HDAC9: variants seen among roughly 807,000 people sequenced by gnomAD.
The protein encoded by HDAC9 is histone deacetylase 9.
Under a neutral mutation model 139.4 loss-of-function variants are expected in HDAC9, and 41 were observed. The ratio of observed to expected loss-of-function variants is 0.29; its 90% CI spans 0.23 to 0.38. HDAC9 has a LOEUF of 0.38. Ranked by LOEUF, HDAC9 falls within the 10% of genes least tolerant of loss-of-function variation. HDAC9 has a pLI of 1.00. For missense variants in HDAC9, 1,147 were observed against 1,297.0 expected, an observed-to-expected ratio of 0.88 and a Z score of 1.78; for synonymous variants, 517 against 476.2, an observed-to-expected ratio of 1.09 and a Z score of -1.12.
chr7:18,980,586 T>C (rs1563102921), intron 25 of HDAC9, among the ~76,000 whole-genome samples: 2 of 152,226 alleles, frequency 1.3e-5, no homozygotes, highest in African/African-American at 2.4e-5. Context: ...AAATACTTGA[T>C]AAAACTTGAT....
At chr7:18,917,208 G>A (rs17140258) in intron 22 of HDAC9, among the ~76,000 whole-genome samples, 23,652 of 151,836 alleles carry the variant, frequency 0.16, 2,271 homozygotes, top group East Asian at 0.35. Context: ...TGATCTCTCC[G>A]CTCAGACACT....
chr7:18,968,387 A>G (rs1784021526), intron 24 of HDAC9, among the ~76,000 whole-genome samples: 1 of 151,994 alleles, frequency 6.6e-6, no homozygotes, highest in African/African-American at 2.4e-5. Flanking sequence ...CTGCTATCGA[A>G]GTTGCCCTTT....
intron 17 of HDAC9, among the ~76,000 whole-genome samples, chr7:18,810,453 A>G (rs1052760313): frequency 6.6e-6 from 1 of 151,906 alleles, no homozygotes; most frequent in African/African-American, 2.4e-5. Context: ...TTCTTCTTTA[A>G]TATTCTCACT....
intron 1 of HDAC9, among the ~76,000 whole-genome samples, chr7:18,154,810 A>T (rs1787055491): frequency 1.3e-5 from 2 of 152,226 alleles, no homozygotes; most frequent in South Asian, 4.1e-4. Context: ...TGATGGCTAA[A>T]GGTCTTTTGT....
chr7:18,368,445 CT>C lies in HDAC9; in HGVS notation c.-42+77931del, dbSNP rs574446748. On this transcript the variant is annotated intron_variant, in intron 1 of 3. Transcript: ENST00000413509. ...TCAAATTTCTTATATATCAAACATG[CT>C]GTTTCTGTTTCTGAACTCTGTTTGG... is the stretch of plus-strand genomic sequence containing the variant. Among the ~76,000 whole-genome samples, 132 of 152,022 alleles carry C rather than the reference CT, an allele frequency of 8.7e-4. 1 individual carries two copies. The East Asian group carries it at 0.023, about 26-fold the overall frequency.
chr7:18,297,953 C>G (rs568633235), intron 1 of HDAC9, among the ~76,000 whole-genome samples: 1 of 152,262 alleles, frequency 6.6e-6, no homozygotes, highest in African/African-American at 2.4e-5. Flanking sequence ...TCACTCTGCC[C>G]TTTCTTCTCT....
intron 24 of HDAC9, among the ~76,000 whole-genome samples, chr7:18,964,064 A>G (rs957673775): frequency 3.3e-5 from 5 of 152,186 alleles, no homozygotes; most frequent in African/African-American, 1.2e-4. Context: ...CTGGTCTTCC[A>G]GAGATTTCCC....
At chr7:18,121,616 A>T (rs1374934798) in intron 1 of HDAC9, among the ~76,000 whole-genome samples, 1 of 152,188 alleles carries the variant, frequency 6.6e-6, no homozygotes, top group African/African-American at 2.4e-5. Flanking sequence ...ACATTCAATA[A>T]TTGAACCTTT....
intron 1 of HDAC9, among the ~76,000 whole-genome samples, chr7:18,321,633 A>G (rs914871001): frequency 6.6e-6 from 1 of 152,206 alleles, no homozygotes; most frequent in East Asian, 1.9e-4. Flanking sequence ...GTTCCTTTAT[A>G]TACTGTGCCT....
intron 2 of HDAC9, among the ~76,000 whole-genome samples, chr7:18,519,996 C>T (rs1036862175): frequency 1.3e-5 from 2 of 151,880 alleles, no homozygotes; most frequent in Admixed American, 1.3e-4. Context: ...GCATAGTAAG[C>T]TCAACTAATG....
chr7:18,880,218 A>G (rs758712279), intron 22 of HDAC9, among the ~76,000 whole-genome samples: 3 of 152,206 alleles, frequency 2.0e-5, no homozygotes, highest in African/African-American at 4.8e-5. Flanking sequence ...GGGAATGTAA[A>G]TTAGTTCAGC....
At chr7:18,546,537 C>A (rs1008985136) in intron 2 of HDAC9, among the ~76,000 whole-genome samples, 1 of 152,102 alleles carries the variant, frequency 6.6e-6, no homozygotes, top group Non-Finnish European at 1.5e-5. Flanking sequence ...ATCCTGACAC[C>A]TTCTTTCTCC....
chr7:18,705,859 A>AAAAAT lies in HDAC9; in HGVS notation c.1732-21701_1732-21697dup, dbSNP rs1171557847. On this transcript the variant is annotated intron_variant, in intron 12 of 25. Coordinates refer to ENST00000686413, the MANE Select transcript of HDAC9 (RefSeq NM_178425.4). Reference sequence around the variant, plus strand: ...CAGAGAGAGACTCTGTCTCAAAAAAAAAAATAAAATAAAATAAAATAAAAG... The same window carrying AAAAAT: ...CAGAGAGAGACTCTGTCTCAAAAAAAAAAATAAAATAAAATAAAATAAAATAAAAG... 2.1e-5 allele frequency among the ~76,000 whole-genome samples: 3 copies of AAAAAT among 142,786 alleles called. 1 individual carries two copies. The highest frequency in any genetic ancestry group is 5.7e-5 in the African/African-American group (2 of 35,014). The allele number at this position is 142,786 out of a possible 152,430, so 93.7% of individuals were successfully genotyped here. A position where few individuals can be genotyped will look rare whatever the true frequency, so the allele number is the denominator to read the frequency against.
At chr7:18,723,384 G>T (rs1785285118) in intron 12 of HDAC9, among the ~76,000 whole-genome samples, 1 of 152,166 alleles carries the variant, frequency 6.6e-6, no homozygotes, top group African/African-American at 2.4e-5. Flanking sequence ...TAAGGTGCAA[G>T]TGCCTAAATT....
At chr7:18,262,598 A>T (rs1795751334) in intron 2 of HDAC9, among the ~76,000 whole-genome samples, 1 of 152,180 alleles carries the variant, frequency 6.6e-6, no homozygotes, top group African/African-American at 2.4e-5. Context: ...GTATAACTGT[A>T]TTTTTGTTTG....
At chr7:18,241,110 G>C (rs552493918) in intron 2 of HDAC9, among the ~76,000 whole-genome samples, 1 of 152,124 alleles carries the variant, frequency 6.6e-6, no homozygotes, top group Non-Finnish European at 1.5e-5. Context: ...GGTCTTAAAG[G>C]CCAGGGGACC....
At chr7:18,988,528 A>C (rs1181392174) in intron 25 of HDAC9, among the ~76,000 whole-genome samples, 2 of 151,872 alleles carry the variant, frequency 1.3e-5, no homozygotes, top group Non-Finnish European at 2.9e-5. Flanking sequence ...GCTGAAAAAA[A>C]TGTATATTCT....
At chr7:18,637,848 T>G (rs1255796007) in intron 8 of HDAC9, among the ~76,000 whole-genome samples, 6 of 151,990 alleles carry the variant, frequency 3.9e-5, no homozygotes, top group African/African-American at 1.4e-4. Flanking sequence ...ACAGCGGAAT[T>G]TAGACTAAGA....
At chr7:18,123,371 A>T (rs1784471271) in intron 1 of HDAC9, among the ~76,000 whole-genome samples, 1 of 152,244 alleles carries the variant, frequency 6.6e-6, no homozygotes. Flanking sequence ...AACAGGTGGC[A>T]TTCAAAAGTT....
Sources: allele counts gnomAD v4.1 joint callset (sites outside exome capture counted in the v4.1 genomes callset), GRCh38; gene constraint gnomAD v4.1.1; transcripts MANE v1.5; gene names NCBI Gene and HGNC (gene_info 2026-07-23, HGNC 2026-07-21).